The following ARHGAP8 variants were observed in gnomAD, a reference collection of about 807,000 sequenced individuals.
The protein encoded by ARHGAP8 is rho GTPase-activating protein 8.
In ARHGAP8, 62 loss-of-function variants were observed where a neutral mutation model predicts 46.1. The ratio of observed to expected loss-of-function variants is 1.34; its 90% CI spans 1.10 to 1.66. ARHGAP8 has a LOEUF of 1.66. Among genes scored for constraint, ARHGAP8 ranks in the 40% most tolerant of loss-of-function variants. The probability of loss-of-function intolerance (pLI) is 0.00; values close to 1 mark genes in which losing one functional copy is unlikely to be tolerated. For missense variants in ARHGAP8, 923 were observed against 568.4 expected, an observed-to-expected ratio of 1.62 and a Z score of -6.34; for synonymous variants, 375 against 243.1, an observed-to-expected ratio of 1.54 and a Z score of -5.05.
At chr22:44,854,042 A>AC (rs2070160464) in intron 10 of ARHGAP8, among the ~76,000 whole-genome samples, 1 of 142,084 alleles carries the variant, frequency 7.0e-6, no homozygotes, top group Non-Finnish European at 1.5e-5. Flanking sequence ...AAAAAAAAAA[A>AC]AAAAAAAAAA....
Position 44,862,595 on chromosome 22 carries a change from G to T in ARHGAP8, c.1302G>T (p.Ter434TyrextTer33). The T allele has an allele frequency of 6.4e-7, 1 of 1,569,016 alleles. No homozygotes were observed. The highest frequency in any genetic ancestry group is 8.7e-7 in the Non-Finnish European group (1 of 1,154,008). ...TGATGGCAGCCAGAAGACGTCTCTA[G>T]TGTTGCGAACACTCTGTATATTTCG... ...SPLMAARRRL[*>Y] Residue 434 changes from the stop codon to tyrosine, a stop_lost, in exon 12 of 12, where the codon TAG becomes TAT. Transcript: ENST00000356099.
intron 6 of ARHGAP8, among the ~76,000 whole-genome samples, chr22:44,822,759 G>C (rs893593113): frequency 6.6e-6 from 1 of 152,196 alleles, no homozygotes; most frequent in Non-Finnish European, 1.5e-5. Context: ...TGTTGCCTTG[G>C]TGTTTACCGT....
At chr22:44,769,110 C>T (rs1047980327) in intron 1 of ARHGAP8, among the ~76,000 whole-genome samples, 1 of 152,212 alleles carries the variant, frequency 6.6e-6, no homozygotes, top group Non-Finnish European at 1.5e-5. Flanking sequence ...GCTGGGATTA[C>T]AGGCATGAGG....
At chr22:44,822,534 C>T in intron 6 of ARHGAP8, 65 bp downstream of exon 6, 1 of 1,381,486 alleles carries the variant, frequency 7.2e-7, no homozygotes, top group Non-Finnish European at 9.7e-7. Context: ...GGGCTTGGTT[C>T]AGTCCCATGA....
rs57906111 is a variant in ARHGAP8, at chr22:44,829,118, CAAAAAAAAAAAA to C, written c.596+3540_596+3551del. On this transcript the variant is annotated intron_variant, in intron 7 of 11. Transcript: ENST00000356099. ...TGAAACCCTATCTCTACTAAAAATA[CAAAAAAAAAAAA>C]AAAAAAAAAAAAAAGTTGGGCATGG... Among the ~76,000 whole-genome samples the C allele has an allele frequency of 2.6e-4, 13 of 49,376 alleles. No homozygotes were observed. In the East Asian group the frequency reaches 3.1e-3, roughly 12 times the overall value. 32.4% of individuals were successfully genotyped at this position (49,376 alleles called of 152,430 possible).
chr22:44,826,256 C>G (rs1930516920), intron 7 of ARHGAP8, among the ~76,000 whole-genome samples: 1 of 152,094 alleles, frequency 6.6e-6, no homozygotes, highest in Admixed American at 6.5e-5. Flanking sequence ...TTGCTAACAC[C>G]CAGGCTGGAC....
chr22:44,825,534 C>A lies in ARHGAP8; in HGVS notation c.537C>A (p.Thr179=), dbSNP rs1168860061. 2 of 1,613,580 alleles carry A rather than the reference C, an allele frequency of 1.2e-6. No homozygotes were observed. The highest frequency in any genetic ancestry group is 2.2e-5 in the South Asian group (2 of 91,036). The change falls in exon 7 of 12, where the codon ACC becomes ACA. Residue 179 remains threonine, a synonymous_variant. Transcript: ENST00000356099. ...SLHEGRTPPP[T]KTPPPRPPLP... is the part of the protein sequence containing the mutation. ...ACGAGGGCCGGACGCCGCCTCCCACCAAGACACCACCGCCGCGGCCCCCGC... is the reference window on the plus strand; with the variant it reads ...ACGAGGGCCGGACGCCGCCTCCCACAAAGACACCACCGCCGCGGCCCCCGC...
intron 1 of ARHGAP8, among the ~76,000 whole-genome samples, chr22:44,768,989 C>T (rs1269752089): frequency 6.6e-6 from 1 of 152,146 alleles, no homozygotes. Context: ...TGTGCACCAT[C>T]ATGCCTGGCT....
intron 6 of ARHGAP8, 78 bp downstream of exon 6, chr22:44,822,547 GT>G: frequency 7.8e-7 from 1 of 1,288,744 alleles, no homozygotes; most frequent in South Asian, 1.7e-5. Context: ...TCCCATGAAT[GT>G]TTAAGGCTTG....
At chr22:44,763,325 C>T (rs1392951395) in intron 1 of ARHGAP8, among the ~76,000 whole-genome samples, 1 of 151,254 alleles carries the variant, frequency 6.6e-6, no homozygotes, top group Non-Finnish European at 1.5e-5. Flanking sequence ...GGTGAAACCC[C>T]ATCTCTACTA....
At chr22:44,773,944 C>A (rs143928559) in intron 1 of ARHGAP8, among the ~76,000 whole-genome samples, 1 of 152,208 alleles carries the variant, frequency 6.6e-6, no homozygotes. Context: ...ACATTTACTG[C>A]ATACCAGTCA....
chr22:44,769,171 C>A (rs1421815989), intron 1 of ARHGAP8, among the ~76,000 whole-genome samples: 1 of 152,200 alleles, frequency 6.6e-6, no homozygotes, highest in Non-Finnish European at 1.5e-5. Flanking sequence ...TCCCTTTGAG[C>A]AGCCCTGGGC....
chr22:44,794,749 A>G lies in ARHGAP8; in HGVS notation c.80-7328A>G, dbSNP rs146604392. 1.8e-4 allele frequency among the ~76,000 whole-genome samples: 28 copies of G among 151,400 alleles called. No homozygotes were observed. The East Asian group carries it at 4.5e-3, about 24-fold the overall frequency. ...AATAATAATATACTTTATTATGGAA[A>G]TTTTCAAATGCTACAGATGTAGAAA... is the stretch of plus-strand genomic sequence containing the variant. On this transcript the variant is annotated intron_variant, in intron 2 of 11. Transcript: ENST00000356099.
chr22:44,787,951 G>C (rs8141429), intron 2 of ARHGAP8, among the ~76,000 whole-genome samples: 1 of 124,622 alleles, frequency 8.0e-6, no homozygotes, highest in South Asian at 2.7e-4. Context: ...CCCCCCAAAT[G>C]TCCTTTTAAG....
chr22:44,858,009 A>T (rs1185678878), intron 10 of ARHGAP8, among the ~76,000 whole-genome samples: 1 of 152,212 alleles, frequency 6.6e-6, no homozygotes, highest in Non-Finnish European at 1.5e-5. Flanking sequence ...AGGTTCAGGC[A>T]CAACACCCAG....
At chr22:44,842,988 TTGG>T (rs1931751194) in intron 7 of ARHGAP8, among the ~76,000 whole-genome samples, 1 of 152,222 alleles carries the variant, frequency 6.6e-6, no homozygotes, top group Non-Finnish European at 1.5e-5. Context: ...CATTTTCATC[TTGG>T]TGAAGGTTTA....
intron 10 of ARHGAP8, among the ~76,000 whole-genome samples, chr22:44,852,608 A>C (rs2070124959): frequency 6.6e-6 from 1 of 152,136 alleles, no homozygotes; most frequent in African/African-American, 2.4e-5. Context: ...TGTTGCATGA[A>C]TCCTTCTCTC....
At chr22:44,858,749 TG>T (rs72130588) in intron 10 of ARHGAP8, among the ~76,000 whole-genome samples, 1 of 136,362 alleles carries the variant, frequency 7.3e-6, no homozygotes, top group Non-Finnish European at 1.6e-5. Context: ...GGTCTCAGAG[TG>T]GGGGCCAGTT....
chr22:44,820,789 G>T (rs920906924), intron 5 of ARHGAP8, among the ~76,000 whole-genome samples: 4 of 152,098 alleles, frequency 2.6e-5, no homozygotes, highest in African/African-American at 9.7e-5. Flanking sequence ...ATTCTTTCTC[G>T]TCCACTAGGG....
Sources: allele counts gnomAD v4.1 joint callset (sites outside exome capture counted in the v4.1 genomes callset), GRCh38; gene constraint gnomAD v4.1.1; transcripts MANE v1.5; gene names NCBI Gene and HGNC (gene_info 2026-07-23, HGNC 2026-07-21).